Variants in SNX29 observed in about 807,000 individuals in gnomAD.
SNX29 encodes the protein sorting nexin 29.
In SNX29, 78 loss-of-function variants were observed where a neutral mutation model predicts 102.1. The ratio of observed to expected loss-of-function variants is 0.76; its 90% CI spans 0.64 to 0.92. SNX29 has a LOEUF of 0.92. SNX29 is among the 40% of genes least tolerant of loss of function. The probability of loss-of-function intolerance (pLI) is 0.00; values close to 1 mark genes in which losing one functional copy is unlikely to be tolerated. For missense variants in SNX29, 1,280 were observed against 1,061.7 expected, an observed-to-expected ratio of 1.21 and a Z score of -2.86; for synonymous variants, 580 against 414.5, an observed-to-expected ratio of 1.40 and a Z score of -4.85.
At chr16:12,560,446 G>C (rs560922070) in intron 20 of SNX29, among the ~76,000 whole-genome samples, 1 of 152,216 alleles carries the variant, frequency 6.6e-6, no homozygotes, top group East Asian at 1.9e-4. Context: ...CCCCAGCCCC[G>C]AGTCTTTTGG....
At chr16:12,482,841 C>G (rs1038681897) in intron 19 of SNX29, among the ~76,000 whole-genome samples, 2 of 152,136 alleles carry the variant, frequency 1.3e-5, no homozygotes, top group Admixed American at 6.6e-5. Flanking sequence ...CAATTTGAAT[C>G]TTTTTTAATT....
chr16:12,135,257 G>T (rs2054617749), intron 13 of SNX29, among the ~76,000 whole-genome samples: 1 of 152,144 alleles, frequency 6.6e-6, no homozygotes, highest in Non-Finnish European at 1.5e-5. Context: ...AGCTATCTGG[G>T]CATCCGGTGG....
intron 18 of SNX29, among the ~76,000 whole-genome samples, chr16:12,463,608 A>C (rs1393441182): frequency 6.6e-6 from 1 of 152,206 alleles, no homozygotes; most frequent in Non-Finnish European, 1.5e-5. Context: ...CGTGGGAATT[A>C]TGGGAGCTAC....
chr16:12,151,879 G>A (rs947004444), intron 13 of SNX29, among the ~76,000 whole-genome samples: 1 of 152,088 alleles, frequency 6.6e-6, no homozygotes, highest in Non-Finnish European at 1.5e-5. Flanking sequence ...GGGATTACAG[G>A]TGCACATCAC....
intron 17 of SNX29, among the ~76,000 whole-genome samples, chr16:12,401,031 C>A (rs2083919765): frequency 6.6e-6 from 1 of 152,144 alleles, no homozygotes; most frequent in African/African-American, 2.4e-5. Context: ...CAGGGTTTCA[C>A]CATGTTAGCC....
At chr16:12,254,924 C>T (rs957599080) in intron 14 of SNX29, among the ~76,000 whole-genome samples, 1 of 152,156 alleles carries the variant, frequency 6.6e-6, no homozygotes, top group Non-Finnish European at 1.5e-5. Flanking sequence ...GTGGAGACAG[C>T]TCTTTCCAGG....
At chr16:11,984,475 A>C (rs564617956) in intron 1 of SNX29, among the ~76,000 whole-genome samples, 21 of 152,266 alleles carry the variant, frequency 1.4e-4, no homozygotes, top group African/African-American at 2.6e-4. Flanking sequence ...ATTTCAGGAC[A>C]AAACTTTACC....
intron 20 of SNX29, among the ~76,000 whole-genome samples, chr16:12,567,656 G>A (rs1457435533): frequency 6.6e-6 from 1 of 152,148 alleles, no homozygotes; most frequent in Non-Finnish European, 1.5e-5. Context: ...CAGCTGCTCA[G>A]GAGGCTGAGG....
At chr16:12,161,553 T>C (rs1210447794) in intron 13 of SNX29, among the ~76,000 whole-genome samples, 1 of 152,218 alleles carries the variant, frequency 6.6e-6, no homozygotes, top group Admixed American at 6.5e-5. Flanking sequence ...GGGCATCTGA[T>C]ACGGTTTGGA....
chr16:12,022,536 G>A (rs1025222042), intron 3 of SNX29, among the ~76,000 whole-genome samples: 1 of 152,076 alleles, frequency 6.6e-6, no homozygotes, highest in African/African-American at 2.4e-5. Context: ...ATAGTGTTGT[G>A]TAACCATCGA....
intron 13 of SNX29, among the ~76,000 whole-genome samples, chr16:12,194,649 G>C (rs1028988110): frequency 4.9e-5 from 7 of 143,070 alleles, no homozygotes; most frequent in African/African-American, 1.8e-4. Context: ...TTTTAAGAAG[G>C]AATCGCAGAC....
chr16:12,561,612 A>T (rs1302481513), intron 20 of SNX29, among the ~76,000 whole-genome samples: 1 of 152,164 alleles, frequency 6.6e-6, no homozygotes, highest in African/African-American at 2.4e-5. Context: ...GACACAACGC[A>T]GTGTACCCCA....
chr16:12,368,277 C>T (rs1303750585), intron 16 of SNX29, among the ~76,000 whole-genome samples: 4 of 152,146 alleles, frequency 2.6e-5, no homozygotes, highest in Non-Finnish European at 5.9e-5. Context: ...ATCAAAGTTT[C>T]GTGTCAGCTG....
intron 9 of SNX29, among the ~76,000 whole-genome samples, chr16:12,066,024 C>G (rs997131494): frequency 6.6e-6 from 1 of 152,152 alleles, no homozygotes; most frequent in Non-Finnish European, 1.5e-5. Context: ...CAAGTACAAG[C>G]CATTCGCGGT....
chr16:12,354,100 C>T (rs1293390453), intron 15 of SNX29, among the ~76,000 whole-genome samples: 3 of 152,186 alleles, frequency 2.0e-5, no homozygotes, highest in African/African-American at 7.2e-5. Flanking sequence ...GAGGCTCTTT[C>T]TGAGTCTTGA....
intron 18 of SNX29, among the ~76,000 whole-genome samples, chr16:12,462,068 G>C (rs2086829633): frequency 8.0e-6 from 1 of 124,794 alleles, no homozygotes; most frequent in Non-Finnish European, 1.6e-5. Context: ...AAAATATCCA[G>C]ACCAGTGTGG....
chr16:12,194,907 A>T (rs924626230), intron 13 of SNX29, among the ~76,000 whole-genome samples: 1 of 152,178 alleles, frequency 6.6e-6, no homozygotes, highest in Non-Finnish European at 1.5e-5. Context: ...GATTACAGGC[A>T]TGAGCCACTG....
At chr16:12,544,494 G>C (rs1194020968) in intron 20 of SNX29, among the ~76,000 whole-genome samples, 3 of 152,174 alleles carry the variant, frequency 2.0e-5, no homozygotes, top group African/African-American at 7.2e-5. Flanking sequence ...GGGTCGGCTG[G>C]GGTCTAGATG....
intron 18 of SNX29, among the ~76,000 whole-genome samples, chr16:12,415,819 C>A (rs760359075): frequency 6.6e-6 from 1 of 152,214 alleles, no homozygotes; most frequent in Non-Finnish European, 1.5e-5. Flanking sequence ...GCTGGGAATG[C>A]CCACTCTCTC....
Sources: gnomAD v4.1 joint callset for allele counts (sites outside exome capture counted in the v4.1 genomes callset) on GRCh38, gnomAD v4.1.1 for gene constraint, MANE v1.5 for transcripts, NCBI Gene and HGNC (gene_info 2026-07-23, HGNC 2026-07-21) for gene names.